HMCN1: variants seen among roughly 807,000 people sequenced by gnomAD.
HMCN1 encodes the protein hemicentin 1.
Under a neutral mutation model 625.9 loss-of-function variants are expected in HMCN1, and 321 were observed. The ratio of observed to expected loss-of-function variants is 0.51; its 90% CI spans 0.47 to 0.56. The LOEUF (loss-of-function observed/expected upper bound fraction) is 0.56, where lower values mean the gene tolerates loss of function less well. HMCN1 is among the 20% of genes least tolerant of loss of function. HMCN1 has a pLI of 0.00. For missense variants in HMCN1, 6,588 were observed against 6,887.3 expected (o/e 0.96, Z 1.54); for synonymous variants, 2,425 against 2,417.6 (o/e 1.00, Z -0.09).
chr1:185,874,809 C>T (rs972465422), intron 4 of HMCN1, among the ~76,000 whole-genome samples: 12 of 151,796 alleles, frequency 7.9e-5, no homozygotes, highest in Non-Finnish European at 1.6e-4. Context: ...TCATTAAATT[C>T]TTTTTATTAT....
intron 29 of HMCN1, among the ~76,000 whole-genome samples, chr1:186,005,183 T>C (rs960592536): frequency 1.3e-4 from 19 of 147,590 alleles, no homozygotes; most frequent in African/African-American, 4.5e-4. Context: ...TTATAAATGT[T>C]TATAAACAAT....
intron 97 of HMCN1, among the ~76,000 whole-genome samples, chr1:186,157,628 C>T (rs1651112689): frequency 6.6e-6 from 1 of 152,188 alleles, no homozygotes; most frequent in Non-Finnish European, 1.5e-5. Flanking sequence ...GTGTGATGTT[C>T]CCCTTCCTGT....
At chr1:185,824,303 C>T (rs1248755061) in intron 1 of HMCN1, among the ~76,000 whole-genome samples, 4 of 152,140 alleles carry the variant, frequency 2.6e-5, no homozygotes, top group Non-Finnish European at 4.4e-5. Context: ...AACTTATTAA[C>T]CCAGACAAAA....
chr1:185,758,654 A>C (rs1344934645), intron 1 of HMCN1, among the ~76,000 whole-genome samples: 1 of 152,134 alleles, frequency 6.6e-6, no homozygotes, highest in African/African-American at 2.4e-5. Context: ...AAACAAACAC[A>C]AAAAACTAGA....
intron 4 of HMCN1, among the ~76,000 whole-genome samples, chr1:185,899,693 C>CA (rs138589363): frequency 0.071 from 10,824 of 152,100 alleles, 1,346 homozygotes; most frequent in African/African-American, 0.25. Context: ...CTCCTGTTCA[C>CA]AACACTGTTT....
intron 2 of HMCN1, among the ~76,000 whole-genome samples, chr1:185,858,824 C>T (rs1662666535): frequency 6.6e-6 from 1 of 151,210 alleles, no homozygotes; most frequent in Non-Finnish European, 1.5e-5. Flanking sequence ...AGTCACATTT[C>T]CATTACTTCC....
At chr1:185,778,056 ACTTTCTTACTCC>A (rs1656749633) in intron 1 of HMCN1, among the ~76,000 whole-genome samples, 1 of 152,218 alleles carries the variant, frequency 6.6e-6, no homozygotes, top group African/African-American at 2.4e-5. Context: ...TAATTGGGGA[ACTTTCTTACTCC>A]CTTGAGTTTC....
At chr1:186,102,768 A>G (rs1660441916) in intron 68 of HMCN1, among the ~76,000 whole-genome samples, 3 of 152,164 alleles carry the variant, frequency 2.0e-5, no homozygotes, top group Non-Finnish European at 4.4e-5. Flanking sequence ...AAAGTGTCAT[A>G]GAAAACGCAA....
intron 57 of HMCN1, among the ~76,000 whole-genome samples, chr1:186,083,829 C>T (rs913462903): frequency 9.2e-5 from 14 of 151,924 alleles, no homozygotes; most frequent in African/African-American, 2.9e-4. Context: ...TTTTTAATTC[C>T]CGTTCTTAGC....
At chr1:185,911,125 G>A (rs1666396656) in intron 5 of HMCN1, among the ~76,000 whole-genome samples, 5 of 152,140 alleles carry the variant, frequency 3.3e-5, no homozygotes, top group Admixed American at 3.3e-4. Flanking sequence ...TTTACACTTT[G>A]TGTAAAGATA....
chr1:186,035,081 T>C (rs2208084), intron 36 of HMCN1, among the ~76,000 whole-genome samples: 99,341 of 152,054 alleles, frequency 0.65, 34,311 homozygotes, highest in African/African-American at 0.9. Context: ...TAGGAATGTG[T>C]CATGGACTGA....
rs1405479462 is a variant in HMCN1 at position 186,001,413 on chromosome 1, T to C, written c.4185T>C (p.Tyr1395=). Residue 1395 remains tyrosine, a synonymous_variant, in exon 27 of 107, where the codon TAT becomes TAC. Coordinates refer to ENST00000271588, the MANE Select transcript of HMCN1 (RefSeq NM_031935.3). ...EGTPSPIIMW[Y]KDNVQVTESS... ...CTCCATCTCCCATCATTATGTGGTA[T>C]AAAGATAATGTCCAGGTAAATAGAG... is the stretch of plus-strand genomic sequence containing the variant. The C allele has an allele frequency of 1.2e-6, 2 of 1,612,532 alleles. No individual in the cohort carries two copies. Among genetic ancestry groups the C allele is most frequent in the African/African-American group, 2.7e-5 (2 of 74,860 alleles).
Position 185,835,989 on chromosome 1 carries a change from G to A in HMCN1, c.269-10037G>A, listed in dbSNP as rs181367297. On this transcript the variant is annotated intron_variant, in intron 1 of 106. Transcript: ENST00000271588. ...TGCTAAGACTTGTGCACTTAAAAGA[G>A]ACGAAAGCTTGAAGTGAGAGGATTG... Among the ~76,000 whole-genome samples the A allele has an allele frequency of 1.3e-4, 20 of 152,240 alleles. No individual in the cohort carries two copies. The East Asian group carries it at 3.7e-3, about 28-fold the overall frequency.
chr1:185,988,086 A>G (rs1652133479), intron 20 of HMCN1, among the ~76,000 whole-genome samples: 1 of 152,200 alleles, frequency 6.6e-6, no homozygotes, highest in African/African-American at 2.4e-5. Context: ...TCAAGTCTCA[A>G]GTAGGTGATT....
At position 186,169,977 on chromosome 1, in the gene HMCN1, GAA is replaced by G. The variant is rs1178279731; in HGVS notation, c.15575-1349_15575-1348del. ...ATCTACAAGGAACTTAAATTTACAA[GAA>G]AAAAAAAAAACCATCAAAAAGTGGT... On this transcript the variant is annotated intron_variant, in intron 100 of 106. Coordinates refer to ENST00000271588, the MANE Select transcript of HMCN1 (RefSeq NM_031935.3). Among the ~76,000 whole-genome samples, 4 of 129,240 alleles carry G rather than the reference GAA, an allele frequency of 3.1e-5. No individual in the cohort carries two copies. In the East Asian group the frequency reaches 8.9e-4, roughly 29 times the overall value. 84.8% of individuals were successfully genotyped at this position (129,240 alleles called of 152,430 possible).
chr1:185,969,214 TCA>T (rs1305187848), intron 14 of HMCN1, among the ~76,000 whole-genome samples: 2 of 152,216 alleles, frequency 1.3e-5, no homozygotes, highest in Non-Finnish European at 2.9e-5. Flanking sequence ...TAAAAATTTC[TCA>T]GAGGCATATC....
rs1650642999 is a variant in HMCN1 at position 186,151,218 on chromosome 1, G to A, written c.14627G>A (p.Arg4876Lys). Residue 4876 changes from arginine to lysine, a missense_variant, in exon 94 of 107, where the codon AGA becomes AAA. Transcript: ENST00000271588. ...CCAATAGGTGGGCCCCAGCGAGCCA[G>A]AGGAAGTGTTATTGGAAATATTAAT... ...QACPGGPQRA[R>K]GSVIGNINDV... 1 of 1,613,726 alleles carries A rather than the reference G, an allele frequency of 6.2e-7. No individual in the cohort carries two copies.
chr1:185,991,154 C>CA (rs762934460), intron 22 of HMCN1, among the ~76,000 whole-genome samples: 34 of 152,040 alleles, frequency 2.2e-4, no homozygotes, highest in Non-Finnish European at 3.7e-4. Context: ...AACATCAAGG[C>CA]AAAAGTTACT....
intron 61 of HMCN1, 42 bp from the exon 62 acceptor site, chr1:186,088,103 T>A: frequency 1.2e-6 from 2 of 1,604,900 alleles, no homozygotes; most frequent in Non-Finnish European, 1.7e-6. Context: ...ACAAATGATT[T>A]TCTTCTGTTT....
Sources: allele counts gnomAD v4.1 joint callset (sites outside exome capture counted in the v4.1 genomes callset), GRCh38; gene constraint gnomAD v4.1.1; transcripts MANE v1.5; gene names NCBI Gene and HGNC (gene_info 2026-07-23, HGNC 2026-07-21).